The following CDK6 variants were observed in gnomAD, a reference collection of about 807,000 sequenced individuals.
CDK6 encodes the protein cyclin-dependent kinase 6.
Under a neutral mutation model 37.1 loss-of-function variants are expected in CDK6, and 6 were observed. The observed-to-expected ratio is 0.16, with a 90% CI of 0.09 to 0.32. The LOEUF (loss-of-function observed/expected upper bound fraction) is 0.32, where lower values mean the gene tolerates loss of function less well. Among genes scored for constraint, CDK6 ranks in the 10% least tolerant of loss-of-function variants. The pLI is 1.00. For missense variants in CDK6, 224 were observed against 418.9 expected (o/e 0.53, Z 4.06); for synonymous variants, 160 against 161.3 (o/e 0.99, Z 0.06).
chr7:92,725,931 G>T, intron 3 of CDK6, 138 bp from the exon 4 acceptor site: 1 of 664,472 alleles, frequency 1.5e-6, no homozygotes, highest in Non-Finnish European at 2.5e-6. Flanking sequence ...CTGAATGAGT[G>T]AATTGTCTCC....
intron 3 of CDK6, among the ~76,000 whole-genome samples, chr7:92,727,377 C>T (rs972380303): frequency 2.2e-4 from 33 of 152,176 alleles, no homozygotes; most frequent in Admixed American, 6.5e-4. Context: ...CTTTAGAGTT[C>T]GGAGTTCTGT....
chr7:92,670,434 C>T (rs1323185959), intron 5 of CDK6, among the ~76,000 whole-genome samples: 1 of 152,062 alleles, frequency 6.6e-6, no homozygotes, highest in Admixed American at 6.6e-5. Flanking sequence ...TTGTGAGCTA[C>T]CATGGAGCTA....
At chr7:92,674,220 C>T (rs1041144370) in intron 4 of CDK6, among the ~76,000 whole-genome samples, 2 of 151,988 alleles carry the variant, frequency 1.3e-5, no homozygotes, top group Admixed American at 1.3e-4. Context: ...GCCTGGGCAA[C>T]TCTTCTTTCT....
intron 5 of CDK6, among the ~76,000 whole-genome samples, chr7:92,642,608 G>C (rs1423505509): frequency 6.6e-6 from 1 of 152,184 alleles, no homozygotes; most frequent in Non-Finnish European, 1.5e-5. Flanking sequence ...CAGTGGCTAA[G>C]TTTCACTGAA....
intron 3 of CDK6, among the ~76,000 whole-genome samples, chr7:92,752,455 A>G (rs770349265): frequency 6.6e-6 from 1 of 152,220 alleles, no homozygotes; most frequent in Non-Finnish European, 1.5e-5. Context: ...TAGGACCACA[A>G]GTGAAATGAA....
At chr7:92,684,769 C>T (rs915306674) in intron 4 of CDK6, among the ~76,000 whole-genome samples, 1 of 152,108 alleles carries the variant, frequency 6.6e-6, no homozygotes, top group African/African-American at 2.4e-5. Flanking sequence ...AAGACTAGAG[C>T]TGTGGAAATA....
intron 3 of CDK6, among the ~76,000 whole-genome samples, chr7:92,734,523 C>T (rs1346881159): frequency 6.6e-6 from 1 of 152,224 alleles, no homozygotes; most frequent in Non-Finnish European, 1.5e-5. Context: ...GCTTAAATTG[C>T]TCTTCCTCTA....
chr7:92,784,057 A>G (rs956350347), intron 2 of CDK6, among the ~76,000 whole-genome samples: 6 of 152,188 alleles, frequency 3.9e-5, no homozygotes, highest in African/African-American at 1.2e-4. Flanking sequence ...TCACTCTGTT[A>G]TGCTAACTAC....
chr7:92,779,206 C>G (rs1465662558), intron 2 of CDK6, among the ~76,000 whole-genome samples: 1 of 152,028 alleles, frequency 6.6e-6, no homozygotes, highest in African/African-American at 2.4e-5. Context: ...CTGCTCTCTT[C>G]AAAATATTAA....
intron 2 of CDK6, among the ~76,000 whole-genome samples, chr7:92,818,747 T>C (rs1318810382): frequency 6.6e-6 from 1 of 152,028 alleles, no homozygotes; most frequent in Non-Finnish European, 1.5e-5. Flanking sequence ...TAACTCAATT[T>C]TAAAAAACGG....
At chr7:92,786,060 C>T (rs1483306877) in intron 2 of CDK6, among the ~76,000 whole-genome samples, 1 of 152,190 alleles carries the variant, frequency 6.6e-6, no homozygotes, top group Non-Finnish European at 1.5e-5. Context: ...GCAAAGCGAA[C>T]AGCTCTGGCT....
intron 2 of CDK6, among the ~76,000 whole-genome samples, chr7:92,812,191 G>A (rs1161233448): frequency 6.6e-6 from 1 of 152,062 alleles, no homozygotes. Context: ...TAACTTCAGA[G>A]ACATCACTTA....
intron 3 of CDK6, among the ~76,000 whole-genome samples, chr7:92,755,247 G>A (rs781231039): frequency 1.3e-5 from 2 of 152,054 alleles, no homozygotes; most frequent in African/African-American, 4.8e-5. Flanking sequence ...TCCTTTCCCC[G>A]CAGCTGTCTG....
chr7:92,800,650 C>A (rs720638), intron 2 of CDK6, among the ~76,000 whole-genome samples: 1 of 152,162 alleles, frequency 6.6e-6, no homozygotes, highest in Non-Finnish European at 1.5e-5. Context: ...TCAGGGGGGG[C>A]TCAATTAACC....
chr7:92,825,897 C>T (rs1443267506), intron 2 of CDK6, among the ~76,000 whole-genome samples: 3 of 152,104 alleles, frequency 2.0e-5, no homozygotes, highest in Admixed American at 6.6e-5. Context: ...GCACAGTTAA[C>T]TATAAGAATG....
intron 2 of CDK6, among the ~76,000 whole-genome samples, chr7:92,793,428 G>C (rs151081546): frequency 6.6e-6 from 1 of 152,240 alleles, no homozygotes. Flanking sequence ...ATATAATTTA[G>C]AGTGCAGAAA....
chr7:92,703,847 T>G (rs556156662), intron 4 of CDK6, among the ~76,000 whole-genome samples: 1 of 152,370 alleles, frequency 6.6e-6, no homozygotes, highest in African/African-American at 2.4e-5. Flanking sequence ...CTGCTTCTAA[T>G]ATGGACCTAT....
At position 92,614,696 on chromosome 7, in the gene CDK6, TAC is replaced by T. The variant is rs10552976; in HGVS notation, c.*442_*443del. The T allele has an allele frequency of 0.43, 96,910 of 223,578 alleles. 14,252 individuals are homozygous for T. Among genetic ancestry groups the T allele is most frequent in the East Asian group, 0.58 (9,482 of 16,278 alleles). The allele number at this position is 223,578 out of a possible 1,614,324, so 13.8% of individuals were successfully genotyped here. A position where few individuals can be genotyped will look rare whatever the true frequency, so the allele number is the denominator to read the frequency against. On this transcript the variant is annotated 3_prime_UTR_variant, in exon 8 of 8. Transcript: ENST00000424848. ...TTAAAAGATCACAGAATCTCTCACA[TAC>T]ACACACACACACACACACACACACA...
At chr7:92,633,788 G>A (rs1796109046) in intron 5 of CDK6, among the ~76,000 whole-genome samples, 1 of 152,110 alleles carries the variant, frequency 6.6e-6, no homozygotes, top group Non-Finnish European at 1.5e-5. Context: ...AATAAGATCT[G>A]AATTTCTAAT....
Sources: gnomAD v4.1 joint callset for allele counts (sites outside exome capture counted in the v4.1 genomes callset) on GRCh38, gnomAD v4.1.1 for gene constraint, MANE v1.5 for transcripts, NCBI Gene and HGNC (gene_info 2026-07-23, HGNC 2026-07-21) for gene names.